Variants in ANO3 observed in about 807,000 individuals in gnomAD.
The protein encoded by ANO3 is anoctamin-3.
ANO3 carries 99 observed loss-of-function variants against 144.8 expected under a neutral mutation model. That is an observed-to-expected ratio of 0.68 (90% CI 0.58 to 0.81). The LOEUF (loss-of-function observed/expected upper bound fraction) is 0.81. Ranked by LOEUF, ANO3 falls within the 30% of genes least tolerant of loss-of-function variation. The probability of loss-of-function intolerance (pLI) is 0.00; values close to 1 mark genes in which losing one functional copy is unlikely to be tolerated. For missense variants in ANO3, 905 were observed against 1,202.2 expected, an observed-to-expected ratio of 0.75 and a Z score of 3.66; for synonymous variants, 414 against 392.6, an observed-to-expected ratio of 1.05 and a Z score of -0.64.
chr11:26,639,164 G>T lies in ANO3; in HGVS notation c.2064G>T (p.Leu688Phe), dbSNP rs1379206482. 1.9e-6 allele frequency: 3 copies of T among 1,612,942 alleles called. No homozygotes were observed. In the South Asian group the frequency reaches 3.3e-5, roughly 18 times the overall value. Residue 688 changes from leucine to phenylalanine, a missense_variant, in exon 21 of 27, where the codon TTG becomes TTT. This residue lies in a region of ANO3 where 597 missense variants were observed against 865.1 expected (regional missense o/e 0.69). Coordinates refer to ENST00000256737, the MANE Select transcript of ANO3 (RefSeq NM_031418.4). ...TTCAGTGTCATCCTAGTGGCTGTTT[G>T]ATAGACCTCTGCCTCCAGATGGGTG... ...RLEECHPSGC[L>F]IDLCLQMGVI...
chr11:26,514,085 G>GTTTTT (rs142484477), intron 5 of ANO3, among the ~76,000 whole-genome samples: 3,265 of 146,524 alleles, frequency 0.022, 57 homozygotes, highest in Non-Finnish European at 0.036. Flanking sequence ...TACAGAAAGA[G>GTTTTT]TTTTTTTTTT....
chr11:26,622,564 C>T (rs763325853), intron 17 of ANO3, among the ~76,000 whole-genome samples: 3 of 152,100 alleles, frequency 2.0e-5, no homozygotes, highest in Non-Finnish European at 4.4e-5. Context: ...TGTGATCATG[C>T]CATTGCACTC....
intron 1 of ANO3, among the ~76,000 whole-genome samples, chr11:26,301,172 T>C (rs1312367850): frequency 6.6e-6 from 1 of 152,054 alleles, no homozygotes; most frequent in African/African-American, 2.4e-5. Flanking sequence ...CTTAATTGCC[T>C]CTTCATAATG....
intron 17 of ANO3, 81 bp from the exon 18 acceptor site, chr11:26,624,381 G>A (rs1852514490): frequency 3.2e-6 from 3 of 944,184 alleles, no homozygotes; most frequent in African/African-American, 3.3e-5. Flanking sequence ...ATACATTATA[G>A]ATGTTTCTTC....
At chr11:26,538,868 T>C (rs943113839) in intron 10 of ANO3, among the ~76,000 whole-genome samples, 1 of 152,134 alleles carries the variant, frequency 6.6e-6, no homozygotes, top group Non-Finnish European at 1.5e-5. Context: ...TGATTTTAAA[T>C]GCTGCTACTT....
intron 1 of ANO3, among the ~76,000 whole-genome samples, chr11:26,197,523 T>C (rs1851613912): frequency 6.6e-6 from 1 of 152,008 alleles, no homozygotes; most frequent in South Asian, 2.1e-4. Flanking sequence ...TAAGTTTTTT[T>C]TGTATTTTTA....
intron 4 of ANO3, among the ~76,000 whole-genome samples, chr11:26,497,192 G>C (rs534351024): frequency 1.3e-5 from 2 of 151,280 alleles, no homozygotes; most frequent in East Asian, 3.9e-4. Context: ...ATTGAAACAT[G>C]TATATACATG....
At chr11:26,420,044 C>T (rs1857706358) in intron 1 of ANO3, among the ~76,000 whole-genome samples, 1 of 151,910 alleles carries the variant, frequency 6.6e-6, no homozygotes, top group African/African-American at 2.4e-5. Flanking sequence ...GGTATTTTGT[C>T]TTGTATTAAA....
At chr11:26,340,172 TA>T (rs140186597) in intron 1 of ANO3, among the ~76,000 whole-genome samples, 10,404 of 152,308 alleles carry the variant, frequency 0.068, 476 homozygotes, top group Non-Finnish European at 0.098. Context: ...AAATAACTCC[TA>T]AAGTTGTGTA....
intron 1 of ANO3, among the ~76,000 whole-genome samples, chr11:26,439,047 T>C (rs967906418): frequency 2.6e-5 from 4 of 152,140 alleles, no homozygotes; most frequent in Non-Finnish European, 4.4e-5. Flanking sequence ...TTGTGGATAA[T>C]TGATTGTAGA....
At position 26,346,883 on chromosome 11, in the gene ANO3, G is replaced by C. The variant is rs376475263; in HGVS notation, c.46+14562G>C. Among the ~76,000 whole-genome samples, 12 of 152,232 alleles carry C rather than the reference G, an allele frequency of 7.9e-5. No homozygotes were observed. In the East Asian group the frequency reaches 9.6e-4, roughly 12 times the overall value. On this transcript the variant is annotated intron_variant, in intron 1 of 26. Coordinates refer to ENST00000256737, the MANE Select transcript of ANO3 (RefSeq NM_031418.4). Reference sequence around the variant, plus strand: ...TAGACACCGGCTTTAGTCAAAAAAAGTGCTCTAGTGGTCAAGGAGACACTT... The same window carrying C: ...TAGACACCGGCTTTAGTCAAAAAAACTGCTCTAGTGGTCAAGGAGACACTT...
At chr11:26,467,594 G>A (rs1859643277) in intron 4 of ANO3, among the ~76,000 whole-genome samples, 1 of 151,392 alleles carries the variant, frequency 6.6e-6, no homozygotes, top group African/African-American at 2.4e-5. Flanking sequence ...CATCCATAGT[G>A]TTGCAAATGA....
rs189517347 is a variant in ANO3 at position 26,352,947 on chromosome 11, C to T, written c.46+20626C>T. 6.0e-4 allele frequency among the ~76,000 whole-genome samples: 91 copies of T among 152,258 alleles called. 1 individual carries two copies. The South Asian group carries it at 9.8e-3, about 16-fold the overall frequency. The stretch of plus-strand genomic sequence containing the variant: ...ACCAAACACTGATATGAACTCGACC[C>T]CCTCTTGACACCATCACAAGAAATA... On this transcript the variant is annotated intron_variant, in intron 1 of 26. Transcript: ENST00000256737.
At chr11:26,279,194 G>A (rs1388051793) in intron 1 of ANO3, among the ~76,000 whole-genome samples, 1 of 152,042 alleles carries the variant, frequency 6.6e-6, no homozygotes, top group Admixed American at 6.6e-5. Context: ...ATCTCAACTA[G>A]TTCCCTTCAA....
At chr11:26,229,945 G>T (rs1280380130) in intron 1 of ANO3, among the ~76,000 whole-genome samples, 1 of 152,044 alleles carries the variant, frequency 6.6e-6, no homozygotes, top group African/African-American at 2.4e-5. Context: ...AAAAATCATT[G>T]TCACCCTCTG....
intron 1 of ANO3, among the ~76,000 whole-genome samples, chr11:26,202,920 G>C (rs1173189544): frequency 6.6e-6 from 1 of 152,082 alleles, no homozygotes; most frequent in Non-Finnish European, 1.5e-5. Context: ...GTAACACCTG[G>C]CCATAGTAGC....
chr11:26,275,377 T>TTA (rs1853534570), intron 1 of ANO3, among the ~76,000 whole-genome samples: 1 of 152,152 alleles, frequency 6.6e-6, no homozygotes, highest in Non-Finnish European at 1.5e-5. Flanking sequence ...ATATGATTCT[T>TTA]TAGAGAAATC....
chr11:26,209,908 C>G (rs1851896568), intron 1 of ANO3, among the ~76,000 whole-genome samples: 1 of 151,844 alleles, frequency 6.6e-6, no homozygotes, highest in Admixed American at 6.6e-5. Context: ...GATGGATAGA[C>G]TGCAAACATT....
chr11:26,571,490 TACA>T (rs1306086784), intron 14 of ANO3, among the ~76,000 whole-genome samples: 2 of 152,142 alleles, frequency 1.3e-5, no homozygotes, highest in Non-Finnish European at 2.9e-5. Context: ...ATATGTACTG[TACA>T]ACAGTTTCCC....
Sources: gnomAD v4.1 joint callset for allele counts (sites outside exome capture counted in the v4.1 genomes callset) on GRCh38, gnomAD v4.1.1 for gene constraint, gnomAD v4.1.1 regional missense constraint, MANE v1.5 for transcripts, NCBI Gene and HGNC (gene_info 2026-07-23, HGNC 2026-07-21) for gene names.